Variants in NBAS observed in about 807,000 individuals in gnomAD.
The protein encoded by NBAS is NBAS subunit of NRZ tethering complex.
Under a neutral mutation model 302.5 loss-of-function variants are expected in NBAS, and 219 were observed. The observed-to-expected ratio is 0.72, with a 90% CI of 0.65 to 0.81. The LOEUF is 0.81. NBAS is among the 30% of genes least tolerant of loss of function. The pLI, the probability that NBAS is intolerant of heterozygous loss-of-function variation, is 0.00. For missense variants in NBAS, 2,932 were observed against 2,841.6 expected, an observed-to-expected ratio of 1.03 and a Z score of -0.72; for synonymous variants, 1,118 against 1,021.6, an observed-to-expected ratio of 1.09 and a Z score of -1.80.
the NBAS span, among the ~76,000 whole-genome samples, chr2:14,866,373 T>C: frequency 6.6e-6 from 1 of 152,218 alleles, no homozygotes; most frequent in Non-Finnish European, 1.5e-5. Flanking sequence ...GTCAGTCTTA[T>C]CTGTTTCTCA....
At chr2:15,557,188 G>C (rs1263917227) in intron 2 of NBAS, among the ~76,000 whole-genome samples, 1 of 152,030 alleles carries the variant, frequency 6.6e-6, no homozygotes, top group Non-Finnish European at 1.5e-5. Flanking sequence ...ATTAAAGCAA[G>C]ATATATTTTA....
At position 15,398,915 on chromosome 2, in the gene NBAS, G is replaced by C. The variant is rs191672110; in HGVS notation, c.3072-2440C>G. 3.3e-3 allele frequency among the ~76,000 whole-genome samples: 508 copies of C among 152,194 alleles called. 5 individuals are homozygous for C. The highest frequency in any genetic ancestry group is 4.6e-3 in the Non-Finnish European group (314 of 68,004). ...GTTTACATTAAAAAATGTTACATCAGAAATCATTAATCTGAAGCCAAGAAA... is the reference window on the plus strand; with the variant it reads ...GTTTACATTAAAAAATGTTACATCACAAATCATTAATCTGAAGCCAAGAAA... On this transcript the variant is annotated intron_variant, in intron 26 of 51. Transcript: ENST00000281513.
chr2:15,186,642 G>A, intron 50 of NBAS, 100 bp downstream of exon 50: 1 of 1,552,306 alleles, frequency 6.4e-7, no homozygotes, highest in Non-Finnish European at 8.9e-7. Context: ...AATTACTTAA[G>A]CTAAATGTTC....
the NBAS span, among the ~76,000 whole-genome samples, chr2:14,845,437 G>A: frequency 6.6e-6 from 1 of 152,096 alleles, no homozygotes; most frequent in Non-Finnish European, 1.5e-5. Flanking sequence ...AGAAGGACAG[G>A]TACAAACAAG....
At chr2:15,392,622 GA>G (rs1429833786) in intron 28 of NBAS, among the ~76,000 whole-genome samples, 16 of 147,920 alleles carry the variant, frequency 1.1e-4, no homozygotes, top group African/African-American at 3.8e-4. Flanking sequence ...AGAAATTAAA[GA>G]AGAACTAAGT....
intron 48 of NBAS, among the ~76,000 whole-genome samples, chr2:15,211,747 A>G (rs1443164479): frequency 1.3e-5 from 2 of 152,192 alleles, no homozygotes; most frequent in Non-Finnish European, 2.9e-5. Context: ...GAACCTGGGA[A>G]AAGAGTACCC....
chr2:15,499,627 G>A (rs549636073), intron 11 of NBAS, among the ~76,000 whole-genome samples: 1 of 152,248 alleles, frequency 6.6e-6, no homozygotes, highest in Admixed American at 6.5e-5. Flanking sequence ...TGGAGGGTGG[G>A]AGGAGGGAGA....
intron 38 of NBAS, among the ~76,000 whole-genome samples, chr2:15,315,554 A>G (rs1428861647): frequency 6.6e-6 from 1 of 152,230 alleles, no homozygotes. Context: ...TGGACAAGTT[A>G]TATATGCCTG....
the NBAS span, among the ~76,000 whole-genome samples, chr2:14,824,765 G>C: frequency 2.6e-5 from 4 of 152,080 alleles, no homozygotes; most frequent in Admixed American, 1.3e-4. Flanking sequence ...AGTAATCGGC[G>C]ATTGCGACTT....
chr2:14,788,790 C>T, the NBAS span, among the ~76,000 whole-genome samples: 2 of 152,204 alleles, frequency 1.3e-5, no homozygotes, highest in Non-Finnish European at 1.5e-5. Context: ...GTTAGGGACC[C>T]ACTTGAGGAG....
chr2:15,158,670 G>C, the NBAS span, among the ~76,000 whole-genome samples: 785 of 152,312 alleles, frequency 5.2e-3, 7 homozygotes, highest in Middle Eastern at 6.8e-3. Context: ...TCGGGGCCCA[G>C]GATTTAGCAG....
At chr2:15,160,833 C>G in the NBAS span, among the ~76,000 whole-genome samples, 1 of 152,166 alleles carries the variant, frequency 6.6e-6, no homozygotes, top group East Asian at 1.9e-4. Flanking sequence ...ATAAGGAAGT[C>G]TTTTTCTAAA....
chr2:15,108,624 T>C, the NBAS span, among the ~76,000 whole-genome samples: 7 of 152,122 alleles, frequency 4.6e-5, no homozygotes, highest in Non-Finnish European at 1.0e-4. Context: ...TGGGCTTACC[T>C]AGGCCACATA....
chr2:15,105,259 G>T, the NBAS span, among the ~76,000 whole-genome samples: 2 of 152,054 alleles, frequency 1.3e-5, no homozygotes, highest in African/African-American at 4.8e-5. Context: ...GGCCTGTCAG[G>T]GGGTGGGAGA....
chr2:15,077,164 T>C, the NBAS span, among the ~76,000 whole-genome samples: 4 of 151,964 alleles, frequency 2.6e-5, no homozygotes, highest in Non-Finnish European at 4.4e-5. Context: ...TGGCGGAAGG[T>C]GAAGAGGAAG....
chr2:15,485,211 T>C (rs1680573749), intron 12 of NBAS, among the ~76,000 whole-genome samples: 1 of 151,656 alleles, frequency 6.6e-6, no homozygotes, highest in South Asian at 2.1e-4. Flanking sequence ...TGAAGGAATC[T>C]GTATCACATC....
chr2:15,015,655 A>G, the NBAS span, among the ~76,000 whole-genome samples: 1 of 152,228 alleles, frequency 6.6e-6, no homozygotes, highest in Admixed American at 6.5e-5. Context: ...AATAAAGGCC[A>G]TACATGACAA....
chr2:15,241,693 T>A (rs1404756242), intron 44 of NBAS, among the ~76,000 whole-genome samples: 1 of 152,228 alleles, frequency 6.6e-6, no homozygotes, highest in East Asian at 1.9e-4. Context: ...AAACAGATGC[T>A]GACATTTAAT....
intron 21 of NBAS, among the ~76,000 whole-genome samples, chr2:15,437,032 A>T (rs534852350): frequency 1.3e-5 from 2 of 152,354 alleles, no homozygotes; most frequent in African/African-American, 4.8e-5. Context: ...AAAGATTCGG[A>T]ACATGTACAG....
Sources: gnomAD v4.1 joint callset for allele counts (sites outside exome capture counted in the v4.1 genomes callset) on GRCh38, gnomAD v4.1.1 for gene constraint, MANE v1.5 for transcripts, NCBI Gene and HGNC (gene_info 2026-07-23, HGNC 2026-07-21) for gene names.